The following NBAS variants were observed in gnomAD, a reference collection of about 807,000 sequenced individuals.
The protein encoded by NBAS is NAG/BC035112 fusion.
In NBAS, 219 loss-of-function variants were observed where a neutral mutation model predicts 302.5. That is an observed-to-expected ratio of 0.72 (90% confidence interval 0.65 to 0.81). The LOEUF (loss-of-function observed/expected upper bound fraction) is 0.81. NBAS is among the 30% of genes least tolerant of loss of function. The pLI is 0.00. For missense variants in NBAS, 2,932 were observed against 2,841.6 expected (o/e 1.03, Z -0.72); for synonymous variants, 1,118 against 1,021.6 (o/e 1.09, Z -1.80).
At chr2:15,526,288 A>G (rs1662909415) in intron 9 of NBAS, among the ~76,000 whole-genome samples, 1 of 152,202 alleles carries the variant, frequency 6.6e-6, no homozygotes, top group Non-Finnish European at 1.5e-5. Flanking sequence ...CCACATATTC[A>G]TAGAGCTTAT....
At chr2:15,256,334 T>G (rs1668592046) in intron 44 of NBAS, among the ~76,000 whole-genome samples, 1 of 152,010 alleles carries the variant, frequency 6.6e-6, no homozygotes, top group Non-Finnish European at 1.5e-5. Context: ...GTAAAAAAGG[T>G]TGAGTTCTCG....
intron 44 of NBAS, among the ~76,000 whole-genome samples, chr2:15,262,784 T>A (rs1250307592): frequency 6.6e-6 from 1 of 152,170 alleles, no homozygotes; most frequent in Non-Finnish European, 1.5e-5. Flanking sequence ...ATGGCATCAA[T>A]CTTTCATAGT....
the NBAS span, among the ~76,000 whole-genome samples, chr2:15,135,765 G>A: frequency 2.6e-5 from 4 of 151,684 alleles, no homozygotes; most frequent in South Asian, 2.1e-4. Flanking sequence ...CATCTCCATA[G>A]AGCAGGGGTG....
the NBAS span, among the ~76,000 whole-genome samples, chr2:15,065,070 T>C: frequency 6.6e-6 from 1 of 152,042 alleles, no homozygotes; most frequent in African/African-American, 2.4e-5. Flanking sequence ...TCTCAACAAA[T>C]AGGTATAGAA....
chr2:15,485,959 G>A (rs150197920), intron 12 of NBAS, among the ~76,000 whole-genome samples: 166 of 152,238 alleles, frequency 1.1e-3, no homozygotes, highest in Non-Finnish European at 2.0e-3. Context: ...CCCTACTTGG[G>A]ACCAAAACTT....
the NBAS span, among the ~76,000 whole-genome samples, chr2:15,007,078 G>A: frequency 2.6e-5 from 4 of 152,174 alleles, no homozygotes; most frequent in South Asian, 8.3e-4. Flanking sequence ...TGGACATGAT[G>A]CCAAGCAAGG....
At chr2:14,812,472 AG>A in the NBAS span, among the ~76,000 whole-genome samples, 3 of 152,232 alleles carry the variant, frequency 2.0e-5, no homozygotes, top group East Asian at 3.9e-4. Context: ...TACATTTCCC[AG>A]GAAGTATTTG....
chr2:14,825,843 A>G, the NBAS span, among the ~76,000 whole-genome samples: 1 of 152,204 alleles, frequency 6.6e-6, no homozygotes, highest in East Asian at 1.9e-4. Context: ...GGGTGTCAGT[A>G]GGCATTTGCC....
At chr2:15,230,898 G>A (rs1263545489) in intron 47 of NBAS, among the ~76,000 whole-genome samples, 1 of 152,158 alleles carries the variant, frequency 6.6e-6, no homozygotes, top group Non-Finnish European at 1.5e-5. Flanking sequence ...AGTTGCTCAG[G>A]CAGCTTCCTC....
chr2:14,835,392 T>C, the NBAS span, among the ~76,000 whole-genome samples: 5 of 152,004 alleles, frequency 3.3e-5, no homozygotes, highest in Admixed American at 1.3e-4. Context: ...AAATTAAACA[T>C]GTATGTAACT....
the NBAS span, among the ~76,000 whole-genome samples, chr2:15,121,357 C>T: frequency 1.3e-5 from 2 of 152,246 alleles, no homozygotes; most frequent in East Asian, 3.9e-4. Context: ...AGGGAACAAC[C>T]CTGCAACCTG....
chr2:14,804,324 C>A, the NBAS span, among the ~76,000 whole-genome samples: 1 of 152,212 alleles, frequency 6.6e-6, no homozygotes, highest in Admixed American at 6.5e-5. Context: ...CAATGGCCCC[C>A]AAGCATAGTG....
At chr2:15,435,995 G>A (rs1172796162) in intron 21 of NBAS, among the ~76,000 whole-genome samples, 4 of 151,880 alleles carry the variant, frequency 2.6e-5, no homozygotes, top group Admixed American at 6.6e-5. Flanking sequence ...TCATTTAATC[G>A]TGAATCAAAC....
At chr2:15,076,006 C>T in the NBAS span, among the ~76,000 whole-genome samples, 1 of 152,198 alleles carries the variant, frequency 6.6e-6, no homozygotes, top group Admixed American at 6.5e-5. Flanking sequence ...AAATCTGCCC[C>T]TCCACCTTTA....
the NBAS span, among the ~76,000 whole-genome samples, chr2:15,145,367 GC>G: frequency 6.6e-6 from 1 of 151,108 alleles, no homozygotes; most frequent in African/African-American, 2.4e-5. Flanking sequence ...TGCCATTACA[GC>G]AAAAATGCAT....
At chr2:15,160,547 G>A in the NBAS span, among the ~76,000 whole-genome samples, 1 of 139,886 alleles carries the variant, frequency 7.1e-6, no homozygotes, top group Non-Finnish European at 1.5e-5. Context: ...GAGAATGCAG[G>A]ACCTGCCAGG....
At chr2:15,028,721 G>A in the NBAS span, among the ~76,000 whole-genome samples, 8 of 152,156 alleles carry the variant, frequency 5.3e-5, no homozygotes, top group South Asian at 4.1e-4. Flanking sequence ...CCTTCCTCCA[G>A]ATGTTGACAT....
chr2:14,886,373 T>C, the NBAS span, among the ~76,000 whole-genome samples: 3 of 152,220 alleles, frequency 2.0e-5, no homozygotes. Context: ...TCTTCAGTAA[T>C]TGAGGTTCAG....
At chr2:15,306,203 T>C (rs961614508) in intron 40 of NBAS, among the ~76,000 whole-genome samples, 1 of 152,164 alleles carries the variant, frequency 6.6e-6, no homozygotes, top group Non-Finnish European at 1.5e-5. Flanking sequence ...CATTAAGCCA[T>C]ACCTGAGATA....
Sources: gnomAD v4.1 joint callset for allele counts (sites outside exome capture counted in the v4.1 genomes callset) on GRCh38, gnomAD v4.1.1 for gene constraint, MANE v1.5 for transcripts, NCBI Gene and HGNC (gene_info 2026-07-23, HGNC 2026-07-21) for gene names.